The following MCF2L variants were observed in gnomAD, a reference collection of about 807,000 sequenced individuals.
The protein encoded by MCF2L is guanine nucleotide exchange factor DBS.
Under a neutral mutation model 153.4 loss-of-function variants are expected in MCF2L, and 97 were observed. The ratio of observed to expected loss-of-function variants is 0.63; its 90% confidence interval spans 0.54 to 0.75. The LOEUF (loss-of-function observed/expected upper bound fraction) is 0.75, where lower values mean the gene tolerates loss of function less well. MCF2L is among the 30% of genes least tolerant of loss of function. The pLI is 0.00. For missense variants in MCF2L, 1,347 were observed against 1,495.2 expected, an observed-to-expected ratio of 0.90 and a Z score of 1.64; for synonymous variants, 659 against 632.2, an observed-to-expected ratio of 1.04 and a Z score of -0.64.
At chr13:112,918,134 A>G (rs748407487) in intron 2 of MCF2L, among the ~76,000 whole-genome samples, 131 of 152,334 alleles carry the variant, frequency 8.6e-4, no homozygotes, top group Non-Finnish European at 1.4e-3. Context: ...CTGCCTTCAT[A>G]ATTCCTAGCA....
intron 1 of MCF2L, among the ~76,000 whole-genome samples, chr13:112,982,436 T>C (rs1262552514): frequency 2.6e-5 from 4 of 152,134 alleles, no homozygotes; most frequent in African/African-American, 9.7e-5. Flanking sequence ...GACCTAGGGA[T>C]GGAGCGAGCC....
chr13:112,916,491 G>A (rs575665084), intron 2 of MCF2L, among the ~76,000 whole-genome samples: 21 of 152,104 alleles, frequency 1.4e-4, no homozygotes, highest in South Asian at 6.2e-4. Flanking sequence ...GCGCTCTCGC[G>A]TGCCTCACCT....
At chr13:112,930,211 A>G (rs1453708684) in intron 2 of MCF2L, among the ~76,000 whole-genome samples, 1 of 152,204 alleles carries the variant, frequency 6.6e-6, no homozygotes, top group African/African-American at 2.4e-5. Flanking sequence ...TACCCAAACT[A>G]GTTGAAAACA....
intron 5 of MCF2L, among the ~76,000 whole-genome samples, chr13:113,062,431 C>T (rs900935036): frequency 6.6e-6 from 1 of 152,042 alleles, no homozygotes; most frequent in Non-Finnish European, 1.5e-5. Flanking sequence ...TAACTCCGTG[C>T]GCCCTCCTTC....
At chr13:112,935,265 C>CT (rs202232822) in intron 2 of MCF2L, among the ~76,000 whole-genome samples, 2 of 151,622 alleles carry the variant, frequency 1.3e-5, no homozygotes, top group Non-Finnish European at 2.9e-5. Flanking sequence ...ATATTCCATA[C>CT]TTTTTTTTTG....
intron 15 of MCF2L, among the ~76,000 whole-genome samples, chr13:113,079,283 A>G (rs1368023918): frequency 6.6e-6 from 1 of 152,112 alleles, no homozygotes; most frequent in Admixed American, 6.5e-5. Context: ...GAAAGACCTC[A>G]CTGGTGCAGG....
intron 2 of MCF2L, among the ~76,000 whole-genome samples, chr13:112,927,317 A>T (rs931750229): frequency 6.6e-6 from 1 of 152,170 alleles, no homozygotes; most frequent in African/African-American, 2.4e-5. Context: ...TCTAGTCTTG[A>T]TGTTGAACTG....
At chr13:113,006,357 C>T (rs115871009) in intron 1 of MCF2L, among the ~76,000 whole-genome samples, 2,663 of 152,288 alleles carry the variant, frequency 0.017, 76 homozygotes, top group African/African-American at 0.061. Context: ...CTTCATGCTC[C>T]CTAGGTCCTC....
chr13:112,907,206 C>T lies in MCF2L; in HGVS notation c.169+4835C>T, dbSNP rs1214211447. On this transcript the variant is annotated intron_variant, in intron 2 of 29. Coordinates refer to the MCF2L transcript ENST00000375608. This position sits in a 1 kb window ranked among gnomAD's most constrained non-coding sequence, Gnocchi z 5.1. ...GGAAGCACTTCGGGAAGGACCAAGA[C>T]TTGCCCCAGCCTTGAGAAGTGATGG... 6.6e-6 allele frequency among the ~76,000 whole-genome samples: 1 copy of T among 152,186 alleles called. No individual in the cohort carries two copies.
At chr13:113,063,096 C>T (rs1566827410) in intron 5 of MCF2L, among the ~76,000 whole-genome samples, 2 of 152,340 alleles carry the variant, frequency 1.3e-5, no homozygotes, top group African/African-American at 2.4e-5. Context: ...CATCACAGGC[C>T]GCACTCGTGT....
Position 113,086,240 on chromosome 13 carries a change from C to G in MCF2L, c.2364C>G (p.Thr788=), listed in dbSNP as rs137978862. ...ACTCCATGCACCTCATCGCTATCAC[C>G]GGCTATGACGTAAGGCGCCCAGATG... is the stretch of plus-strand genomic sequence containing the variant. ...VNDSMHLIAI[T]GYDGNLGDLG... The change falls in exon 21 of 30, where the codon ACC becomes ACG. Residue 788 remains threonine, a synonymous_variant. Transcript: ENST00000535094. 6.2e-7 allele frequency: 1 copy of G among 1,609,628 alleles called. No individual in the cohort carries two copies. The highest frequency in any genetic ancestry group is 8.5e-7 in the Non-Finnish European group (1 of 1,178,276).
rs979439412 is a variant in MCF2L, at chr13:113,027,661, C to T, written c.278+2903C>T. Among the ~76,000 whole-genome samples the T allele has an allele frequency of 3.3e-5, 5 of 152,258 alleles. No individual in the cohort carries two copies. Among genetic ancestry groups the T allele is most frequent in the Admixed American group, 6.5e-5 (1 of 15,298 alleles). On this transcript the variant is annotated intron_variant, in intron 3 of 29. Transcript: ENST00000535094. The surrounding 1 kb of genome is among the most constrained non-coding windows in gnomAD (Gnocchi z 4.8). ...GAGCTCCCTGAGGGGCTGATGGGACCGGCTTGGTGGGGCAAGGCTGCGATG... is the reference window on the plus strand; with the variant it reads ...GAGCTCCCTGAGGGGCTGATGGGACTGGCTTGGTGGGGCAAGGCTGCGATG...
upstream of MCF2L, among the ~76,000 whole-genome samples, chr13:112,968,180 T>G (rs1314950517): frequency 1.4e-5 from 2 of 141,010 alleles, no homozygotes; most frequent in Non-Finnish European, 3.1e-5. Flanking sequence ...AGGCTCAAAC[T>G]TCTGGGCTCA....
chr13:113,050,050 C>T (rs1442502563), intron 4 of MCF2L, among the ~76,000 whole-genome samples: 1 of 116,694 alleles, frequency 8.6e-6, no homozygotes, highest in African/African-American at 3.2e-5. Context: ...TCTGAGAACT[C>T]ACGTCTCTTC....
intron 2 of MCF2L, among the ~76,000 whole-genome samples, chr13:112,935,361 G>T (rs574794710): frequency 6.6e-6 from 1 of 152,088 alleles, no homozygotes; most frequent in Non-Finnish European, 1.5e-5. Flanking sequence ...GGGTTCCAGC[G>T]ATTCTCCTGC....
intron 9 of MCF2L, among the ~76,000 whole-genome samples, chr13:113,073,618 A>T (rs897061088): frequency 6.6e-6 from 1 of 152,232 alleles, no homozygotes; most frequent in Non-Finnish European, 1.5e-5. Context: ...AAGTGGTCAT[A>T]TGTTTTAAAA....
intron 2 of MCF2L, among the ~76,000 whole-genome samples, chr13:112,933,442 G>A (rs780993785): frequency 1.3e-5 from 2 of 152,218 alleles, no homozygotes; most frequent in African/African-American, 2.4e-5. Context: ...GGACCAACCA[G>A]GTCCAGCCTC....
intron 15 of MCF2L, among the ~76,000 whole-genome samples, chr13:113,080,852 A>G (rs1442048356): frequency 6.6e-6 from 1 of 152,170 alleles, no homozygotes; most frequent in African/African-American, 2.4e-5. Flanking sequence ...GATGGGTCCT[A>G]GGAGTAGGAT....
At chr13:112,906,312 G>C (rs1398618450) in intron 2 of MCF2L, among the ~76,000 whole-genome samples, 1 of 152,206 alleles carries the variant, frequency 6.6e-6, no homozygotes, top group Non-Finnish European at 1.5e-5. Flanking sequence ...GCAGCGTTTT[G>C]TAAGCTGACT....
Sources: allele counts gnomAD v4.1 joint callset (sites outside exome capture counted in the v4.1 genomes callset), GRCh38; gene constraint gnomAD v4.1.1; non-coding constraint Gnocchi (gnomAD v3.1); transcripts MANE v1.5; gene names NCBI Gene and HGNC (gene_info 2026-07-23, HGNC 2026-07-21).